The following USP24 variants were observed in gnomAD, a reference collection of about 807,000 sequenced individuals.
The protein encoded by USP24 is ubiquitin specific peptidase 24.
In USP24, 97 loss-of-function variants were observed where a neutral mutation model predicts 361.6. The observed-to-expected ratio is 0.27, with a 90% confidence interval of 0.23 to 0.32. The LOEUF is 0.32. Ranked by LOEUF, USP24 falls within the 10% of genes least tolerant of loss-of-function variation. The pLI is 1.00. For missense variants in USP24, 2,353 were observed against 3,165.6 expected, an observed-to-expected ratio of 0.74 and a Z score of 6.16; for synonymous variants, 1,098 against 1,124.6, an observed-to-expected ratio of 0.98 and a Z score of 0.47.
intron 1 of USP24, among the ~76,000 whole-genome samples, chr1:55,190,516 A>G (rs1450482268): frequency 2.6e-5 from 4 of 152,220 alleles, no homozygotes; most frequent in African/African-American, 9.6e-5. Flanking sequence ...AAAATGTCAT[A>G]GCTCCGAACA....
intron 1 of USP24, among the ~76,000 whole-genome samples, chr1:55,191,863 C>A (rs921884555): frequency 3.9e-5 from 6 of 152,090 alleles, no homozygotes; most frequent in African/African-American, 1.4e-4. Context: ...TTAATCTACC[C>A]CCACACAGTT....
chr1:55,085,838 G>T, intron 56 of USP24, 104 bp downstream of exon 56: 1 of 1,192,506 alleles, frequency 8.4e-7, no homozygotes, highest in Non-Finnish European at 1.2e-6. Context: ...TATTTATGTG[G>T]CAAAATTACC....
chr1:55,157,571 G>A (rs919197362), intron 10 of USP24, among the ~76,000 whole-genome samples: 2 of 152,108 alleles, frequency 1.3e-5, no homozygotes, highest in African/African-American at 4.8e-5. Flanking sequence ...GGTGGCTCAC[G>A]CCTGTAATCC....
At chr1:55,124,085 T>A (rs565049218) in intron 35 of USP24, among the ~76,000 whole-genome samples, 1 of 152,316 alleles carries the variant, frequency 6.6e-6, no homozygotes, top group African/African-American at 2.4e-5. Context: ...AATAAAGCTA[T>A]ATTTTAAAGA....
intron 37 of USP24, among the ~76,000 whole-genome samples, chr1:55,120,976 A>G (rs1386127692): frequency 1.3e-5 from 2 of 152,128 alleles, no homozygotes; most frequent in Non-Finnish European, 2.9e-5. Context: ...CTACTATTCT[A>G]CTCTACTCAA....
Position 55,124,535 on chromosome 1 carries a change from T to C in USP24, c.4054A>G (p.Ser1352Gly), listed in dbSNP as rs1318171405. ...GAATTACTTTCTTTAATTGGCTGGC[T>C]ACTCCCAACAAGATCAAGCCGTCCT... Reference protein sequence around the residue: ...AAGRLDLVGSSQPIKESNSLC... With the variant: ...AAGRLDLVGSGQPIKESNSLC... Residue 1352 changes from serine (S) to glycine (G), a missense_variant, in exon 35 of 68, where the codon AGC becomes GGC. This residue lies in a region of USP24 where 949 missense variants were observed against 1,280.5 expected (regional missense o/e 0.74). Coordinates refer to ENST00000294383, the MANE Select transcript of USP24 (RefSeq NM_015306.3). 6.2e-7 allele frequency: 1 copy of C among 1,613,904 alleles called. No individual in the cohort carries two copies.
intron 11 of USP24, 72 bp downstream of exon 11, chr1:55,157,184 T>C (rs1037602572): frequency 5.1e-6 from 7 of 1,365,696 alleles, no homozygotes; most frequent in African/African-American, 4.5e-5. Context: ...AACAATTTTG[T>C]ATACTTTTTA....
In USP24 at chr1:55,085,973, G is replaced by T. The variant is rs1645242056; in HGVS notation, c.6734C>A (p.Thr2245Asn). The change falls in exon 56 of 68, where the codon ACC becomes AAC. Residue 2245 changes from threonine (T) to asparagine (N), a missense_variant. Thr to Asn is a moderately conservative substitution (Grantham distance 65). Coordinates refer to ENST00000294383, the MANE Select transcript of USP24 (RefSeq NM_015306.3). ...CTGATAAAACAAGGCACTGTCTAGGGTTTTCTCCAGAATGGTGGCCACAGC... is the reference window on the plus strand; with the variant it reads ...CTGATAAAACAAGGCACTGTCTAGGTTTTTCTCCAGAATGGTGGCCACAGC... ...RVAVATILEK[T>N]LDSALFYQDK... 6.2e-7 allele frequency: 1 copy of T among 1,613,916 alleles called. No individual in the cohort carries two copies. Among genetic ancestry groups the T allele is most frequent in the Admixed American group, 1.7e-5 (1 of 60,016 alleles).
intron 61 of USP24, among the ~76,000 whole-genome samples, chr1:55,078,271 T>C (rs573961405): frequency 3.3e-5 from 5 of 150,560 alleles, no homozygotes; most frequent in Non-Finnish European, 5.9e-5. Context: ...TCTCATTTCT[T>C]ATTTATTTAT....
intron 32 of USP24, among the ~76,000 whole-genome samples, chr1:55,127,396 C>T (rs894056533): frequency 6.6e-6 from 1 of 152,178 alleles, no homozygotes; most frequent in Admixed American, 6.5e-5. Context: ...AGGACATGAA[C>T]TCATCCTTTT....
chr1:55,096,675 C>G, intron 49 of USP24, 53 bp from the exon 50 acceptor site: 1 of 1,566,598 alleles, frequency 6.4e-7, no homozygotes. Flanking sequence ...TCAACCTCCT[C>G]ATCCTTAGCA....
chr1:55,083,973 A>C, intron 56 of USP24, 85 bp from the exon 57 acceptor site: 1 of 1,091,810 alleles, frequency 9.2e-7, no homozygotes, highest in East Asian at 2.6e-5. Flanking sequence ...GTAAACCACC[A>C]TAAGAACAAA....
chr1:55,098,315 T>C (rs1247016108), intron 46 of USP24, among the ~76,000 whole-genome samples, 161 bp downstream of exon 46: 1 of 152,236 alleles, frequency 6.6e-6, no homozygotes, highest in Non-Finnish European at 1.5e-5. Flanking sequence ...TTTCTCCTTC[T>C]GGAAGTAGAA....
At chr1:55,097,841 T>G in intron 47 of USP24, 102 bp downstream of exon 47, 1 of 1,515,728 alleles carries the variant, frequency 6.6e-7, no homozygotes, top group Non-Finnish European at 8.8e-7. Flanking sequence ...CACAATCTAA[T>G]GGAAATAACA....
intron 56 of USP24, 140 bp from the exon 57 acceptor site, chr1:55,084,028 G>A (rs1645202610): frequency 6.1e-6 from 4 of 661,068 alleles, no homozygotes; most frequent in Admixed American, 3.4e-5. Context: ...ATGGACTTAT[G>A]CTTTGAAGAG....
intron 16 of USP24, among the ~76,000 whole-genome samples, chr1:55,151,747 G>A (rs1435031173): frequency 1.3e-5 from 2 of 152,096 alleles, no homozygotes; most frequent in Non-Finnish European, 2.9e-5. Context: ...GTACCCTGCA[G>A]AATCTACAGA....
In USP24 at chr1:55,120,732, G is replaced by A. The variant is rs775534569; in HGVS notation, c.4372C>T (p.Leu1458=). ...GTGTCTGTCTGACTAAGAGTGTACA[G>A]CTGATCACAGGCAACCCGGCGAATC... ...AEIRRVACDQ[L]YTLSQTDTSA... Residue 1458 remains leucine (L), a synonymous_variant, in exon 38 of 68, where the codon CTG becomes TTG. Transcript: ENST00000294383. 3 of 1,571,952 alleles carry A rather than the reference G, an allele frequency of 1.9e-6. No homozygotes were observed. The highest frequency in any genetic ancestry group is 2.7e-5 in the African/African-American group (2 of 73,966).
chr1:55,129,695 C>A, intron 31 of USP24, 121 bp from the exon 32 acceptor site: 2 of 654,254 alleles, frequency 3.1e-6, no homozygotes, highest in Admixed American at 5.9e-5. Context: ...CACTGTTTTT[C>A]CCCCAGAAAT....
intron 2 of USP24, 101 bp downstream of exon 2, chr1:55,177,866 C>T (rs1650147107): frequency 7.3e-6 from 8 of 1,099,466 alleles, no homozygotes; most frequent in Non-Finnish European, 1.0e-5. Context: ...AATAAATGAT[C>T]TGTCCAATAA....
Sources: allele counts gnomAD v4.1 joint callset (sites outside exome capture counted in the v4.1 genomes callset), GRCh38; gene constraint gnomAD v4.1.1; regional missense constraint gnomAD v4.1.1; transcripts MANE v1.5; gene names NCBI Gene and HGNC (gene_info 2026-07-23, HGNC 2026-07-21).